COL23A1: variants seen among roughly 807,000 people sequenced by gnomAD.
COL23A1 encodes the protein collagen type XXIII alpha 1 chain, also known as collagen alpha-1(XXIII) chain.
Under a neutral mutation model 99.3 loss-of-function variants are expected in COL23A1, and 97 were observed. The ratio of observed to expected loss-of-function variants is 0.98; its 90% CI spans 0.83 to 1.16. The LOEUF (loss-of-function observed/expected upper bound fraction) is 1.16, where lower values mean the gene tolerates loss of function less well. COL23A1 is among the 50% of genes most tolerant of loss of function. The probability of loss-of-function intolerance (pLI) is 0.00; values close to 1 mark genes in which losing one functional copy is unlikely to be tolerated. For missense variants in COL23A1, 762 were observed against 757.4 expected (o/e 1.01, Z -0.07); for synonymous variants, 320 against 308.2 (o/e 1.04, Z -0.40).
At chr5:178,587,027 G>C (rs998252407) in intron 1 of COL23A1, among the ~76,000 whole-genome samples, 2 of 152,190 alleles carry the variant, frequency 1.3e-5, no homozygotes, top group Non-Finnish European at 2.9e-5. Flanking sequence ...GGTCTCCTCT[G>C]AATACAACTA....
At chr5:178,353,066 T>C (rs1302795598) in intron 2 of COL23A1, among the ~76,000 whole-genome samples, 2 of 152,222 alleles carry the variant, frequency 1.3e-5, no homozygotes, top group Non-Finnish European at 2.9e-5. Flanking sequence ...TCCTCAGATA[T>C]ACTTCCACAT....
chr5:178,574,465 C>T (rs1763252001), intron 1 of COL23A1, among the ~76,000 whole-genome samples: 1 of 152,044 alleles, frequency 6.6e-6, no homozygotes, highest in Non-Finnish European at 1.5e-5. Context: ...TCAGTGGAAT[C>T]CCACAAGGAA....
chr5:178,481,358 G>GA (rs1266009681), intron 2 of COL23A1, among the ~76,000 whole-genome samples: 1 of 151,990 alleles, frequency 6.6e-6, no homozygotes, highest in East Asian at 1.9e-4. Flanking sequence ...CACAGCAGAA[G>GA]AAAAAACAGA....
At chr5:178,320,112 AT>A (rs1048771359) in intron 2 of COL23A1, among the ~76,000 whole-genome samples, 1 of 35,518 alleles carries the variant, frequency 2.8e-5, no homozygotes, top group African/African-American at 7.3e-5. Flanking sequence ...TTGTTGTCAC[AT>A]TTTCCTCTTT....
intron 1 of COL23A1, among the ~76,000 whole-genome samples, chr5:178,580,215 C>G (rs1262988792): frequency 2.6e-5 from 4 of 152,102 alleles, no homozygotes; most frequent in Middle Eastern, 3.2e-3. Context: ...GTAATCCCAG[C>G]TACTCCAGAG....
At chr5:178,498,209 TATATATATATATATA>T (rs1758301174) in intron 2 of COL23A1, among the ~76,000 whole-genome samples, 4 of 14,508 alleles carry the variant, frequency 2.8e-4, no homozygotes, top group Non-Finnish European at 4.3e-4. Context: ...TATTTAAATA[TATATATATATATATA>T]TATATATATA....
At chr5:178,568,354 T>TA (rs1762932812) in intron 1 of COL23A1, among the ~76,000 whole-genome samples, 1 of 151,998 alleles carries the variant, frequency 6.6e-6, no homozygotes, top group East Asian at 1.9e-4. Context: ...TAATTTAGTT[T>TA]TAAAAAAAAA....
intron 2 of COL23A1, among the ~76,000 whole-genome samples, chr5:178,357,832 ATG>A (rs200338482): frequency 0.018 from 2,537 of 138,970 alleles, 32 homozygotes; most frequent in Non-Finnish European, 0.029. Flanking sequence ...GTTTATGTGT[ATG>A]TGTGTGTATG....
intron 2 of COL23A1, among the ~76,000 whole-genome samples, chr5:178,382,776 C>T (rs915410191): frequency 3.9e-5 from 6 of 152,214 alleles, no homozygotes; most frequent in South Asian, 2.1e-4. Flanking sequence ...CTCAGGGAGA[C>T]GGTTCAGAAG....
intron 2 of COL23A1, among the ~76,000 whole-genome samples, chr5:178,455,370 C>T (rs1329005978): frequency 2.0e-5 from 3 of 152,168 alleles, no homozygotes; most frequent in Non-Finnish European, 2.9e-5. Flanking sequence ...GAGGGCTGCC[C>T]GCCTGACCCT....
chr5:178,465,820 G>A (rs1756387067), intron 2 of COL23A1, among the ~76,000 whole-genome samples: 1 of 152,238 alleles, frequency 6.6e-6, no homozygotes, highest in Non-Finnish European at 1.5e-5. Flanking sequence ...TCCTCTGAGG[G>A]ACTGGCGTGC....
At chr5:178,242,764 G>A (rs1764476393) in intron 25 of COL23A1, among the ~76,000 whole-genome samples, 1 of 152,196 alleles carries the variant, frequency 6.6e-6, no homozygotes, top group African/African-American at 2.4e-5. Flanking sequence ...GATGAGAAAT[G>A]GTGATCTCTG....
At chr5:178,479,457 C>T (rs1376348731) in intron 2 of COL23A1, among the ~76,000 whole-genome samples, 1 of 152,214 alleles carries the variant, frequency 6.6e-6, no homozygotes, top group African/African-American at 2.4e-5. Flanking sequence ...CCATGCGCCA[C>T]AGCGGCCGGT....
intron 2 of COL23A1, among the ~76,000 whole-genome samples, chr5:178,539,502 C>T (rs893513225): frequency 7.1e-5 from 9 of 127,230 alleles, no homozygotes; most frequent in Non-Finnish European, 1.1e-4. Flanking sequence ...GCTGAGATTG[C>T]GCCATTGCAC....
At chr5:178,260,770 G>A (rs948281989) in intron 11 of COL23A1, among the ~76,000 whole-genome samples, 7 of 152,182 alleles carry the variant, frequency 4.6e-5, no homozygotes, top group Non-Finnish European at 7.3e-5. Flanking sequence ...CTCCAGCCTG[G>A]GCGACAAGAG....
At chr5:178,265,614 C>G in intron 8 of COL23A1, 1 of 945,714 alleles carries the variant, frequency 1.1e-6, no homozygotes. Context: ...GGGGGTAACA[C>G]AGCAAGCCAT....
At chr5:178,565,725 T>A (rs902745278) in intron 1 of COL23A1, among the ~76,000 whole-genome samples, 1 of 152,092 alleles carries the variant, frequency 6.6e-6, no homozygotes, top group African/African-American at 2.4e-5. Flanking sequence ...GAAAGAGAAG[T>A]GTCAGGGCTG....
Position 178,358,150 on chromosome 5 carries a change from GTA to G in COL23A1, c.362-51233_362-51232del, listed in dbSNP as rs567724214. On this transcript the variant is annotated intron_variant, in intron 2 of 28. Transcript: ENST00000390654. ...GTGTACGTCTAATGTGTGTGTATGTGTATGTGTGTATGTCTAATGTGTATGTG... is the reference window on the plus strand; with the variant it reads ...GTGTACGTCTAATGTGTGTGTATGTGTGTGTGTATGTCTAATGTGTATGTG... 2.6e-3 allele frequency among the ~76,000 whole-genome samples: 382 copies of G among 149,182 alleles called. 4 individuals carry two copies. The highest frequency in any genetic ancestry group is 8.9e-3 in the African/African-American group (356 of 39,976).
In COL23A1 at chr5:178,468,597, T is replaced by C. The variant is rs1339262747; in HGVS notation, c.361+92085A>G. Among the ~76,000 whole-genome samples, 1 of 137,638 alleles carries C rather than the reference T, an allele frequency of 7.3e-6. No individual in the cohort carries two copies. The highest frequency in any genetic ancestry group is 1.5e-5 in the Non-Finnish European group (1 of 67,946). 90.3% of individuals were successfully genotyped at this position (137,638 alleles called of 152,430 possible). On this transcript the variant is annotated intron_variant, in intron 2 of 28. Coordinates refer to ENST00000390654, the MANE Select transcript of COL23A1 (RefSeq NM_173465.4). The surrounding 1 kb of genome is among the most constrained non-coding windows in gnomAD (Gnocchi z 4.2). ...GGCTGCAGGCCACACGCAGAGCAGCTTCCCCTCCCCTCGAGTCCCCCCAGG... is the reference window on the plus strand; with the variant it reads ...GGCTGCAGGCCACACGCAGAGCAGCCTCCCCTCCCCTCGAGTCCCCCCAGG...
Sources: gnomAD v4.1 joint callset for allele counts (sites outside exome capture counted in the v4.1 genomes callset) on GRCh38, gnomAD v4.1.1 for gene constraint, Gnocchi (gnomAD v3.1) non-coding constraint, MANE v1.5 for transcripts, NCBI Gene and HGNC (gene_info 2026-07-23, HGNC 2026-07-21) for gene names.